ZCCHC7: variants seen among roughly 807,000 people sequenced by gnomAD.
ZCCHC7 encodes zinc finger CCHC domain-containing protein 7.
A neutral mutation model predicts 52.0 loss-of-function variants in ZCCHC7; 35 were observed. The ratio of observed to expected loss-of-function variants is 0.67; its 90% CI spans 0.51 to 0.89. The LOEUF (loss-of-function observed/expected upper bound fraction) is 0.89, where lower values mean the gene tolerates loss of function less well. ZCCHC7 is among the 40% of genes least tolerant of loss of function. ZCCHC7 has a pLI of 0.00. For missense variants in ZCCHC7, 574 were observed against 649.1 expected, an observed-to-expected ratio of 0.88 and a Z score of 1.26; for synonymous variants, 217 against 221.5, an observed-to-expected ratio of 0.98 and a Z score of 0.18.
intron 2 of ZCCHC7, among the ~76,000 whole-genome samples, chr9:37,163,557 G>A (rs1821237643): frequency 6.6e-6 from 1 of 152,210 alleles, no homozygotes; most frequent in South Asian, 2.1e-4. Context: ...TGCAGTGGGT[G>A]CACATTGTGA....
At chr9:37,162,655 T>C (rs1347861013) in intron 2 of ZCCHC7, among the ~76,000 whole-genome samples, 3 of 152,244 alleles carry the variant, frequency 2.0e-5, no homozygotes, top group Non-Finnish European at 4.4e-5. Flanking sequence ...TTTTAGAAAT[T>C]ACAAAGCTGC....
rs869292704 is a variant in ZCCHC7, at chr9:37,306,762, C to CTTTTTTTTTT, written c.951+1081_951+1090dup. Among the ~76,000 whole-genome samples, 24 of 52,030 alleles carry CTTTTTTTTTT rather than the reference C, an allele frequency of 4.6e-4. 6 individuals are homozygous for CTTTTTTTTTT. Among genetic ancestry groups the CTTTTTTTTTT allele is most frequent in the South Asian group, 1.6e-3 (2 of 1,244 alleles). 34.1% of individuals were successfully genotyped at this position (52,030 alleles called of 152,430 possible). On this transcript the variant is annotated intron_variant, in intron 5 of 8. Coordinates refer to ENST00000336755, the MANE Select transcript of ZCCHC7 (RefSeq NM_032226.3). Reference sequence around the variant, plus strand: ...ACAGGCATGAGCCACTGTACCCGACCTTTTTTTTTTTTTTTTTTTTTTTTT... The same window carrying CTTTTTTTTTT: ...ACAGGCATGAGCCACTGTACCCGACCTTTTTTTTTTTTTTTTTTTTTTTTTTTTTTTTTTT...
chr9:37,298,035 C>T (rs1277055093), intron 2 of ZCCHC7, among the ~76,000 whole-genome samples: 2 of 152,152 alleles, frequency 1.3e-5, no homozygotes, highest in African/African-American at 2.4e-5. Context: ...AAATACAAGT[C>T]GCCCTTTTTT....
At position 37,126,501 on chromosome 9, in the gene ZCCHC7, A is replaced by G; in HGVS notation, c.169A>G (p.Lys57Glu). ...CATCAGGGAGGAAGAGCATGAAGAA[A>G]AGAACTCTGGGAATTCGGAATCTTC... ...DVIREEEHEEKNSGNSESSSS... is the reference protein window; with the variant it reads ...DVIREEEHEEENSGNSESSSS... The change falls in exon 2 of 9, where the codon AAG becomes GAG. Residue 57 changes from lysine (K) to glutamate (E), a missense_variant. Lys to Glu is a moderately conservative substitution (Grantham distance 56, BLOSUM62 1). This residue lies in a region of ZCCHC7 where 403 missense variants were observed against 461.2 expected (regional missense o/e 0.87). Coordinates refer to ENST00000336755, the MANE Select transcript of ZCCHC7 (RefSeq NM_032226.3). 1 of 1,613,778 alleles carries G rather than the reference A, an allele frequency of 6.2e-7. No homozygotes were observed. The highest frequency in any genetic ancestry group is 1.3e-5 in the African/African-American group (1 of 75,058).
At chr9:37,172,739 T>A (rs1821799747) in intron 2 of ZCCHC7, among the ~76,000 whole-genome samples, 1 of 150,690 alleles carries the variant, frequency 6.6e-6, no homozygotes, top group African/African-American at 2.4e-5. Flanking sequence ...TCGTGGGCAT[T>A]CCAGTTGTTA....
At chr9:37,343,094 G>A (rs1395200388) in intron 6 of ZCCHC7, among the ~76,000 whole-genome samples, 1 of 152,200 alleles carries the variant, frequency 6.6e-6, no homozygotes, top group Non-Finnish European at 1.5e-5. Flanking sequence ...CTGTGAACAC[G>A]AGAATCTCGT....
intron 2 of ZCCHC7, among the ~76,000 whole-genome samples, chr9:37,174,613 A>G (rs7026004): frequency 0.57 from 86,026 of 151,972 alleles, 24,999 homozygotes; most frequent in African/African-American, 0.7. Context: ...GTTATAATAT[A>G]ACAAGTTTAT....
chr9:37,222,432 G>C (rs1476263651), intron 2 of ZCCHC7, among the ~76,000 whole-genome samples: 1 of 150,808 alleles, frequency 6.6e-6, no homozygotes, highest in Non-Finnish European at 1.5e-5. Context: ...TTTTAATTTG[G>C]GGAAAGGATG....
chr9:37,326,574 G>A (rs1453031030), intron 5 of ZCCHC7, among the ~76,000 whole-genome samples: 1 of 151,558 alleles, frequency 6.6e-6, no homozygotes, highest in Non-Finnish European at 1.5e-5. Flanking sequence ...TTTCAGCATA[G>A]ATATGTTTCA....
intron 2 of ZCCHC7, among the ~76,000 whole-genome samples, chr9:37,199,714 T>G (rs867394300): frequency 2.3e-5 from 3 of 132,260 alleles, no homozygotes; most frequent in Non-Finnish European, 3.4e-5. Context: ...CTTTCTGTCT[T>G]TCTTTCTTTC....
chr9:37,252,314 A>C (rs1472534422), intron 2 of ZCCHC7, among the ~76,000 whole-genome samples: 1 of 152,124 alleles, frequency 6.6e-6, no homozygotes, highest in African/African-American at 2.4e-5. Context: ...GTGACCAAGA[A>C]CTCCCAAATA....
intron 2 of ZCCHC7, among the ~76,000 whole-genome samples, chr9:37,170,712 C>T (rs1336232950): frequency 6.6e-6 from 1 of 152,146 alleles, no homozygotes; most frequent in Non-Finnish European, 1.5e-5. Flanking sequence ...CTCATCGACA[C>T]GTTTCTTCTC....
chr9:37,336,652 A>C (rs1286059259), intron 6 of ZCCHC7, among the ~76,000 whole-genome samples: 1 of 152,190 alleles, frequency 6.6e-6, no homozygotes, highest in Non-Finnish European at 1.5e-5. Flanking sequence ...ATGTACAATC[A>C]CATGCAAAAT....
In ZCCHC7 at chr9:37,357,240, T is replaced by C. The variant is rs759607445; in HGVS notation, c.1604T>C (p.Leu535Pro). ...WEDDDNDNLF[L>P]IKQRKKKS ...GATGATGACAATGATAACTTATTTC[T>C]TATTAAGCAGAGAAAAAAAAAGTCT... The change falls in exon 9 of 9, where the codon CTT (leucine) becomes CCT (proline). Residue 535 changes from leucine to proline, a missense_variant. Physicochemically the swap from Leu to Pro is moderately conservative, Grantham distance 98. Transcript: ENST00000336755. 2 of 1,600,220 alleles carry C rather than the reference T, an allele frequency of 1.2e-6. No homozygotes were observed. The highest frequency in any genetic ancestry group is 1.7e-6 in the Non-Finnish European group (2 of 1,176,282).
At chr9:37,349,686 A>G (rs1381540499) in intron 7 of ZCCHC7, among the ~76,000 whole-genome samples, 1 of 152,238 alleles carries the variant, frequency 6.6e-6, no homozygotes, top group African/African-American at 2.4e-5. Context: ...TAAAACTAAT[A>G]TAGTTCATAA....
intron 2 of ZCCHC7, among the ~76,000 whole-genome samples, chr9:37,204,388 A>G (rs932684293): frequency 2.0e-5 from 3 of 152,132 alleles, no homozygotes; most frequent in African/African-American, 7.2e-5. Flanking sequence ...GCCCATGCCT[A>G]TGTCTTGAAT....
intron 2 of ZCCHC7, among the ~76,000 whole-genome samples, chr9:37,213,906 T>C (rs1450565856): frequency 2.6e-5 from 4 of 152,092 alleles, no homozygotes; most frequent in Admixed American, 6.5e-5. Flanking sequence ...TCAACAACAT[T>C]GAAAAGCTAG....
chr9:37,185,040 C>A (rs574433837), intron 2 of ZCCHC7, among the ~76,000 whole-genome samples: 2 of 151,388 alleles, frequency 1.3e-5, no homozygotes, highest in East Asian at 1.9e-4. Context: ...TTGCTGAGAT[C>A]TTTTTTTTTC....
At chr9:37,302,586 A>T (rs1163149528) in intron 3 of ZCCHC7, among the ~76,000 whole-genome samples, 1 of 152,232 alleles carries the variant, frequency 6.6e-6, no homozygotes, top group Non-Finnish European at 1.5e-5. Context: ...TTTGTCGATT[A>T]TTAGCCTTAA....
Sources: allele counts gnomAD v4.1 joint callset (sites outside exome capture counted in the v4.1 genomes callset), GRCh38; gene constraint gnomAD v4.1.1; regional missense constraint gnomAD v4.1.1; transcripts MANE v1.5; gene names NCBI Gene and HGNC (gene_info 2026-07-23, HGNC 2026-07-21).